Variants in STAG1 observed in about 807,000 individuals in gnomAD.
STAG1 encodes the protein STAG1 cohesin complex component.
Under a neutral mutation model 170.9 loss-of-function variants are expected in STAG1, and 26 were observed. The ratio of observed to expected loss-of-function variants is 0.15; its 90% CI spans 0.11 to 0.21. The LOEUF is 0.21. Among genes scored for constraint, STAG1 ranks in the 10% least tolerant of loss-of-function variants. The probability of loss-of-function intolerance (pLI) is 1.00; values close to 1 mark genes in which losing one functional copy is unlikely to be tolerated. For missense variants in STAG1, 964 were observed against 1,509.5 expected (o/e 0.64, Z 5.99); for synonymous variants, 514 against 497.7 (o/e 1.03, Z -0.44).
intron 22 of STAG1, among the ~76,000 whole-genome samples, chr3:136,386,676 C>A: frequency 6.6e-6 from 1 of 152,088 alleles, no homozygotes. Flanking sequence ...ACTACAGGCA[C>A]ACACCACTAC....
chr3:136,589,423 T>G (rs1938030296), intron 4 of STAG1, among the ~76,000 whole-genome samples: 1 of 151,910 alleles, frequency 6.6e-6, no homozygotes, highest in African/African-American at 2.4e-5. Flanking sequence ...GAGAATCGAT[T>G]GAACTCGGAG....
chr3:136,478,994 A>G lies in STAG1; in HGVS notation c.903-1582T>C, dbSNP rs1016130326. Among the ~76,000 whole-genome samples, 43 of 151,960 alleles carry G rather than the reference A, an allele frequency of 2.8e-4. 1 individual carries two copies. The highest frequency in any genetic ancestry group is 1.0e-3 in the African/African-American group (42 of 41,514). On this transcript the variant is annotated intron_variant, in intron 9 of 33. Transcript: ENST00000383202. ...GAGAATAAAATCACTTAATACAAAT[A>G]GAAGACTTAGAATTCTACCTGGCAT...
intron 1 of STAG1, among the ~76,000 whole-genome samples, chr3:136,686,226 G>A (rs1197482690): frequency 6.6e-6 from 1 of 152,206 alleles, no homozygotes; most frequent in Non-Finnish European, 1.5e-5. Flanking sequence ...GGGTGTCACA[G>A]TAACTCCAAT....
intron 3 of STAG1, chr3:136,609,422 T>TACACACAC (rs1167811981): frequency 2.9e-4 from 43 of 148,756 alleles, no homozygotes; most frequent in African/African-American, 1.0e-3. Context: ...TACATATATA[T>TACACACAC]ATATATACAC....
At chr3:136,429,906 A>G (rs988612312) in intron 16 of STAG1, among the ~76,000 whole-genome samples, 2 of 152,114 alleles carry the variant, frequency 1.3e-5, no homozygotes, top group African/African-American at 2.4e-5. Context: ...TTTCTCCTCT[A>G]GCTTAATTTA....
intron 1 of STAG1, among the ~76,000 whole-genome samples, chr3:136,661,190 T>A (rs1432928802): frequency 1.3e-5 from 2 of 152,218 alleles, no homozygotes; most frequent in African/African-American, 2.4e-5. Flanking sequence ...ATTCATAAAG[T>A]ATTTATTAAT....
At chr3:136,747,558 A>C (rs111919234) in intron 1 of STAG1, among the ~76,000 whole-genome samples, 11,971 of 151,850 alleles carry the variant, frequency 0.079, 493 homozygotes, top group Non-Finnish European at 0.094. Context: ...GCGTAGTGGC[A>C]TGCACCTGTA....
chr3:136,459,390 T>C (rs1363603566), intron 13 of STAG1, among the ~76,000 whole-genome samples: 1 of 151,780 alleles, frequency 6.6e-6, no homozygotes. Context: ...GGAAAGAGAG[T>C]AACTGCAATG....
chr3:136,701,215 C>A (rs551921562), intron 1 of STAG1, among the ~76,000 whole-genome samples: 8 of 152,034 alleles, frequency 5.3e-5, no homozygotes, highest in Non-Finnish European at 1.0e-4. Flanking sequence ...CATGACAATC[C>A]CTACCTTGAT....
At chr3:136,408,226 G>A (rs2087536301) in intron 21 of STAG1, among the ~76,000 whole-genome samples, 1 of 152,044 alleles carries the variant, frequency 6.6e-6, no homozygotes, top group African/African-American at 2.4e-5. Context: ...TAAATTCCTG[G>A]AACCACAAAT....
intron 3 of STAG1, among the ~76,000 whole-genome samples, chr3:136,615,777 C>CA (rs35492234): frequency 0.3 from 38,744 of 130,836 alleles, 5,706 homozygotes; most frequent in Non-Finnish European, 0.37. Context: ...GACTCCAAAT[C>CA]AAAAAAAAAA....
chr3:136,346,668 G>A (rs1253616361), intron 29 of STAG1, among the ~76,000 whole-genome samples: 1 of 152,092 alleles, frequency 6.6e-6, no homozygotes, highest in Non-Finnish European at 1.5e-5. Context: ...ACACTTATAC[G>A]TCATTCGCTA....
chr3:136,378,706 G>C (rs558644521), intron 22 of STAG1, among the ~76,000 whole-genome samples: 13 of 152,232 alleles, frequency 8.5e-5, no homozygotes, highest in Non-Finnish European at 1.9e-4. Context: ...CAACCCACCA[G>C]GCACTGGTTT....
At chr3:136,589,949 T>C (rs1938073479) in intron 4 of STAG1, among the ~76,000 whole-genome samples, 1 of 149,306 alleles carries the variant, frequency 6.7e-6, no homozygotes, top group African/African-American at 2.5e-5. Flanking sequence ...AAAATAAAAA[T>C]ACATAATAAA....
chr3:136,604,412 C>T lies in STAG1; in HGVS notation c.194G>A (p.Arg65Lys), dbSNP rs1938833505. ...GEKSRIEAGIRGAGRGRANGH... is the reference protein window; with the variant it reads ...GEKSRIEAGIKGAGRGRANGH... ...ATTAGCTCTTCCACGGCCTGCTCCT[C>T]TAATTCCAGCTTCAATTCTGCTCTT... Residue 65 changes from arginine to lysine, a missense_variant, in exon 4 of 34, where the codon AGA (arginine) becomes AAA (lysine). Arg to Lys is a conservative substitution (Grantham distance 26, BLOSUM62 2). This residue lies in a region of STAG1 where 108 missense variants were observed against 120.2 expected (regional missense o/e 0.90). Transcript: ENST00000383202. 1.2e-6 allele frequency: 2 copies of T among 1,613,886 alleles called. No homozygotes were observed. Among genetic ancestry groups the T allele is most frequent in the Non-Finnish European group, 1.7e-6 (2 of 1,179,898 alleles).
intron 4 of STAG1, among the ~76,000 whole-genome samples, chr3:136,587,620 T>C (rs191254428): frequency 6.6e-6 from 1 of 150,622 alleles, no homozygotes; most frequent in East Asian, 2.0e-4. Context: ...CTTTTCATCC[T>C]AGGAAAATAA....
intron 1 of STAG1, among the ~76,000 whole-genome samples, chr3:136,643,070 C>G (rs1940863233): frequency 1.3e-5 from 2 of 152,202 alleles, no homozygotes; most frequent in South Asian, 4.1e-4. Context: ...AACTTGATTA[C>G]ATCTGCAAAT....
At chr3:136,641,889 C>G (rs1013783178) in intron 1 of STAG1, among the ~76,000 whole-genome samples, 1 of 152,174 alleles carries the variant, frequency 6.6e-6, no homozygotes, top group African/African-American at 2.4e-5. Flanking sequence ...ATTTTTGCAA[C>G]TTTATTAAAG....
At chr3:136,565,097 G>A (rs1937023922) in intron 5 of STAG1, among the ~76,000 whole-genome samples, 3 of 76,608 alleles carry the variant, frequency 3.9e-5, no homozygotes, top group Non-Finnish European at 2.8e-5. Context: ...AGGGAGGAAA[G>A]GAAAGAGAAA....
Sources: gnomAD v4.1 joint callset for allele counts (sites outside exome capture counted in the v4.1 genomes callset) on GRCh38, gnomAD v4.1.1 for gene constraint, gnomAD v4.1.1 regional missense constraint, MANE v1.5 for transcripts, NCBI Gene and HGNC (gene_info 2026-07-23, HGNC 2026-07-21) for gene names.